The following CDC37L1 variants were observed in gnomAD, a reference collection of about 807,000 sequenced individuals.
The protein encoded by CDC37L1 is hsp90 co-chaperone Cdc37-like 1.
A neutral mutation model predicts 45.9 loss-of-function variants in CDC37L1; 32 were observed. That is an observed-to-expected ratio of 0.70 (90% confidence interval 0.53 to 0.94). The LOEUF (loss-of-function observed/expected upper bound fraction) is 0.94. Among genes scored for constraint, CDC37L1 ranks in the 40% least tolerant of loss-of-function variants. The pLI is 0.00. For synonymous variants in CDC37L1, 150 were observed against 133.0 expected, an observed-to-expected ratio of 1.13 and a Z score of -0.88; for missense variants, 434 against 405.7, an observed-to-expected ratio of 1.07 and a Z score of -0.60.
Position 4,697,211 on chromosome 9 carries a change from G to A in CDC37L1, c.624G>A (p.Lys208=). The A allele has an allele frequency of 7.4e-7, 1 of 1,345,762 alleles. No homozygotes were observed. Among genetic ancestry groups the A allele is most frequent in the African/African-American group, 1.4e-5 (1 of 69,614 alleles). The allele number at this position is 1,345,762 out of a possible 1,614,324, so 83.4% of individuals were successfully genotyped here. The change falls in exon 4 of 7, where the codon AAG becomes AAA. Residue 208 remains lysine (K), a splice_region_variant and synonymous_variant. Coordinates refer to ENST00000381854, the MANE Select transcript of CDC37L1 (RefSeq NM_017913.4). Reference sequence around the variant, plus strand: ...GGTGTTTTCACCTGGAAGCTGAGAAGGTATTATTATGTGAACCTTGAGTTT... The same window carrying A: ...GGTGTTTTCACCTGGAAGCTGAGAAAGTATTATTATGTGAACCTTGAGTTT... ...ILWCFHLEAE[K]KGALMEQIAH...
At chr9:4,699,148 T>C (rs536402648) in intron 5 of CDC37L1, among the ~76,000 whole-genome samples, 82 of 152,322 alleles carry the variant, frequency 5.4e-4, no homozygotes, top group East Asian at 2.9e-3. Context: ...CTTACACATA[T>C]GTACTAGATT....
chr9:4,679,817 A>T lies in CDC37L1; in HGVS notation c.50A>T (p.Glu17Val). 7 of 1,613,896 alleles carry T rather than the reference A, an allele frequency of 4.3e-6. No individual in the cohort carries two copies. Among genetic ancestry groups the T allele is most frequent in the Non-Finnish European group, 5.9e-6 (7 of 1,179,918 alleles). Residue 17 changes from glutamate to valine, a missense_variant, in exon 1 of 7, where the codon GAG becomes GTG. By Grantham distance (121) the Glu-to-Val change is moderately radical (BLOSUM62 -2). Transcript: ENST00000381854. ...GGACCCTGGAGCCTCCCTCGGGCCG[A>T]GGGTGAGGCTGAGGAAGAGAGTGAC... The part of the protein sequence containing the change: ...PPGPWSLPRA[E>V]GEAEEESDFD...
chr9:4,703,695 C>T (rs1289796951), intron 6 of CDC37L1, among the ~76,000 whole-genome samples: 2 of 152,160 alleles, frequency 1.3e-5, no homozygotes, highest in African/African-American at 2.4e-5. Flanking sequence ...GAAAGATACA[C>T]ATTATAGTAT....
At chr9:4,680,637 A>C (rs190035422) in intron 1 of CDC37L1, among the ~76,000 whole-genome samples, 22 of 152,280 alleles carry the variant, frequency 1.4e-4, no homozygotes, top group African/African-American at 5.3e-4. Context: ...AGGATTTTTC[A>C]GGGACCTATC....
intron 6 of CDC37L1, among the ~76,000 whole-genome samples, 156 bp from the exon 7 acceptor site, chr9:4,705,855 C>T (rs1841436523): frequency 1.3e-5 from 2 of 152,054 alleles, no homozygotes; most frequent in African/African-American, 4.8e-5. Flanking sequence ...TGGGATTCAG[C>T]CCAAGTCTGT....
Position 4,682,036 on chromosome 9 carries a change from A to G in CDC37L1, c.132+2137A>G, listed in dbSNP as rs189168003. ...TGGGTAGTTTGTGGAGAAATAAGAC[A>G]TACATTATTTTTAGAATTTTTCGAT... On this transcript the variant is annotated intron_variant, in intron 1 of 6. Transcript: ENST00000381854. Among the ~76,000 whole-genome samples, 14 of 152,326 alleles carry G rather than the reference A, an allele frequency of 9.2e-5. No individual in the cohort carries two copies. The East Asian group carries it at 2.3e-3, about 25-fold the overall frequency.
At position 4,684,932 on chromosome 9, in the gene CDC37L1, G is replaced by A. The variant is rs1377568488; in HGVS notation, c.188G>A (p.Ser63Asn). 2 of 1,613,510 alleles carry A rather than the reference G, an allele frequency of 1.2e-6. No homozygotes were observed. The highest frequency in any genetic ancestry group is 8.5e-7 in the Non-Finnish European group (1 of 1,179,632). Reference protein sequence around the residue: ...ACQKQKEFVKSSVACKWNLAE... With the variant: ...ACQKQKEFVKNSVACKWNLAE... Reference sequence around the variant, plus strand: ...CAAAAGCAGAAAGAGTTTGTGAAGAGCTCTGTGGCGTGCAAATGGAATCTT... The same window carrying A: ...CAAAAGCAGAAAGAGTTTGTGAAGAACTCTGTGGCGTGCAAATGGAATCTT... Residue 63 changes from serine (S) to asparagine (N), a missense_variant, in exon 2 of 7, where the codon AGC (serine) becomes AAC (asparagine). Transcript: ENST00000381854.
At chr9:4,685,648 GAGATA>G (rs1228779158) in intron 2 of CDC37L1, among the ~76,000 whole-genome samples, 1 of 152,190 alleles carries the variant, frequency 6.6e-6, no homozygotes, top group African/African-American at 2.4e-5. Flanking sequence ...CTGGGATTGA[GAGATA>G]AGATAAAGAG....
chr9:4,703,093 G>C, intron 6 of CDC37L1: 1 of 1,543,812 alleles, frequency 6.5e-7, no homozygotes, highest in African/African-American at 1.4e-5. Flanking sequence ...CAGGCTCCAA[G>C]ATTTTAAGAC....
At chr9:4,695,350 C>G (rs1841338071) in intron 3 of CDC37L1, among the ~76,000 whole-genome samples, 1 of 152,116 alleles carries the variant, frequency 6.6e-6, no homozygotes, top group Non-Finnish European at 1.5e-5. Flanking sequence ...TATTCTTATA[C>G]TTTAAGAAGT....
At chr9:4,692,692 C>T (rs1161129540) in intron 3 of CDC37L1, among the ~76,000 whole-genome samples, 1 of 152,110 alleles carries the variant, frequency 6.6e-6, no homozygotes, top group Non-Finnish European at 1.5e-5. Flanking sequence ...TTTAAAAATT[C>T]TTCATAATAA....
intron 1 of CDC37L1, among the ~76,000 whole-genome samples, chr9:4,683,469 G>A (rs1236713477): frequency 2.0e-5 from 3 of 152,090 alleles, no homozygotes; most frequent in Admixed American, 1.3e-4. Flanking sequence ...GTTTCTGTAG[G>A]AGTTACCTCG....
At chr9:4,701,181 T>C (rs1253091807) in intron 5 of CDC37L1, among the ~76,000 whole-genome samples, 1 of 152,212 alleles carries the variant, frequency 6.6e-6, no homozygotes, top group Non-Finnish European at 1.5e-5. Flanking sequence ...GTAGGATAAA[T>C]CTCTGTATCA....
At chr9:4,690,544 A>C (rs1023627805) in intron 3 of CDC37L1, among the ~76,000 whole-genome samples, 5 of 152,244 alleles carry the variant, frequency 3.3e-5, no homozygotes, top group Non-Finnish European at 7.3e-5. Context: ...CTATGCCACC[A>C]CGACCCCTGA....
chr9:4,681,245 G>GTATGTTAAT (rs1181748697), intron 1 of CDC37L1, among the ~76,000 whole-genome samples: 1 of 152,232 alleles, frequency 6.6e-6, no homozygotes, highest in Non-Finnish European at 1.5e-5. Flanking sequence ...AGAAATATCT[G>GTATGTTAAT]TATGTTAATT....
At chr9:4,689,373 T>G (rs1287664106) in intron 3 of CDC37L1, among the ~76,000 whole-genome samples, 1 of 152,160 alleles carries the variant, frequency 6.6e-6, no homozygotes, top group Non-Finnish European at 1.5e-5. Flanking sequence ...AAACATGGTT[T>G]TTATTTGTAA....
intron 3 of CDC37L1, among the ~76,000 whole-genome samples, chr9:4,695,652 G>A (rs10974738): frequency 0.46 from 70,264 of 151,784 alleles, 18,284 homozygotes; most frequent in African/African-American, 0.7. Context: ...ACACTACCAT[G>A]CCCAGCTAAT....
At chr9:4,697,003 G>A in intron 3 of CDC37L1, 93 bp from the exon 4 acceptor site, 1 of 640,498 alleles carries the variant, frequency 1.6e-6, no homozygotes, top group Non-Finnish European at 2.8e-6. Flanking sequence ...AAATACCATT[G>A]AGAGATTAAT....
chr9:4,700,852 C>T (rs2130853571), intron 5 of CDC37L1, among the ~76,000 whole-genome samples: 1 of 152,290 alleles, frequency 6.6e-6, no homozygotes, highest in East Asian at 1.9e-4. Flanking sequence ...AATCTGTCAT[C>T]ACTCTATATC....
Sources: gnomAD v4.1 joint callset for allele counts (sites outside exome capture counted in the v4.1 genomes callset) on GRCh38, gnomAD v4.1.1 for gene constraint, MANE v1.5 for transcripts, NCBI Gene and HGNC (gene_info 2026-07-23, HGNC 2026-07-21) for gene names.